SAXO1: variants seen among roughly 807,000 people sequenced by gnomAD.
SAXO1 encodes 4930500O09Rik.
A neutral mutation model predicts 17.5 loss-of-function variants in SAXO1; 21 were observed. That is an observed-to-expected ratio of 1.20 (90% CI 0.85 to 1.72). The LOEUF is 1.72. Ranked by LOEUF, SAXO1 falls within the 40% of genes most tolerant of loss-of-function variation. SAXO1 has a pLI of 0.00. For synonymous variants in SAXO1, 274 were observed against 216.5 expected (o/e 1.27, Z -2.33); for missense variants, 843 against 596.0 (o/e 1.41, Z -4.32).
intron 1 of SAXO1, among the ~76,000 whole-genome samples, chr9:19,020,457 T>C (rs1417222197): frequency 4.0e-5 from 6 of 151,826 alleles, no homozygotes; most frequent in Admixed American, 3.9e-4. Context: ...GCTCAAGCCA[T>C]CCTCCCACCT....
chr9:19,036,588 T>C (rs1588572818), upstream of SAXO1, among the ~76,000 whole-genome samples: 1 of 152,314 alleles, frequency 6.6e-6, no homozygotes, highest in East Asian at 1.9e-4. Flanking sequence ...CTTCAGAGGA[T>C]GCAAGCCCCA....
upstream of SAXO1, among the ~76,000 whole-genome samples, chr9:19,033,429 C>T (rs193100926): frequency 3.3e-5 from 5 of 152,358 alleles, no homozygotes; most frequent in Admixed American, 1.3e-4. Context: ...GTGCAGTAAA[C>T]GGTCACACGT....
intron 1 of SAXO1, among the ~76,000 whole-genome samples, chr9:18,959,167 AAGC>A (rs1240139915): frequency 6.6e-6 from 1 of 152,198 alleles, no homozygotes; most frequent in Non-Finnish European, 1.5e-5. Context: ...CTGGTGGTGA[AAGC>A]AGCAAGAAAT....
chr9:18,957,413 GT>G (rs1832297599), intron 1 of SAXO1, among the ~76,000 whole-genome samples: 1 of 152,154 alleles, frequency 6.6e-6, no homozygotes, highest in Non-Finnish European at 1.5e-5. Context: ...AACACAGCTG[GT>G]CAGCAGCAGC....
chr9:18,984,642 G>C (rs1024764793), intron 1 of SAXO1, among the ~76,000 whole-genome samples: 1 of 152,212 alleles, frequency 6.6e-6, no homozygotes, highest in African/African-American at 2.4e-5. Context: ...AGCCTTCACA[G>C]AACTGAAAAG....
In SAXO1 at chr9:18,950,736, C is replaced by T. The variant is rs200081146; in HGVS notation, c.218+22G>A. The stretch of plus-strand genomic sequence containing the variant: ...CATTAGTGTTGTATGTACCTGCATA[C>T]ATTAATACTGTTTGCCCTCACCTTG... On this transcript the variant is annotated intron_variant, in intron 2 of 3. Transcript: ENST00000380534. The T allele has an allele frequency of 8.7e-6, 14 of 1,604,834 alleles. No homozygotes were observed. The Admixed American group carries it at 1.5e-4, about 17-fold the overall frequency.
chr9:18,941,531 T>A (rs1269110692), intron 3 of SAXO1, 106 bp downstream of exon 3: 1 of 1,302,056 alleles, frequency 7.7e-7, no homozygotes, highest in Non-Finnish European at 1.1e-6. Flanking sequence ...TAGGAAGTAG[T>A]CTGCCAACTC....
At chr9:18,961,915 C>T (rs1270651457) in intron 1 of SAXO1, among the ~76,000 whole-genome samples, 1 of 152,210 alleles carries the variant, frequency 6.6e-6, no homozygotes, top group Non-Finnish European at 1.5e-5. Flanking sequence ...AATTGCCACA[C>T]TGTCTTCCAC....
At chr9:18,959,977 CCT>C (rs1832417844) in intron 1 of SAXO1, among the ~76,000 whole-genome samples, 1 of 151,944 alleles carries the variant, frequency 6.6e-6, no homozygotes, top group East Asian at 1.9e-4. Context: ...TGAGAGAAGC[CCT>C]GTTGGAATGG....
intron 1 of SAXO1, among the ~76,000 whole-genome samples, chr9:19,010,254 A>C (rs1162268123): frequency 6.6e-6 from 1 of 152,186 alleles, no homozygotes; most frequent in East Asian, 1.9e-4. Context: ...AAAACTCCTC[A>C]GGCAACCAGT....
chr9:18,950,962 G>A, intron 1 of SAXO1, 25 bp from the exon 2 acceptor site: 1 of 1,591,192 alleles, frequency 6.3e-7, no homozygotes, highest in Non-Finnish European at 8.6e-7. Context: ...GAGTTAGGTT[G>A]ATTACCTTCT....
rs547092794 is a variant in SAXO1, at chr9:19,019,828, C to T, written c.38+13043G>A. Among the ~76,000 whole-genome samples, 8 of 152,262 alleles carry T rather than the reference C, an allele frequency of 5.3e-5. No individual in the cohort carries two copies. The South Asian group carries it at 6.2e-4, about 12-fold the overall frequency. ...AGTATTGACCCCAAATCCACTTTCA[C>T]GCAATGACCACTCATGGGTCTTGGT... On this transcript the variant is annotated intron_variant, in intron 1 of 3. Coordinates refer to ENST00000380534, the MANE Select transcript of SAXO1 (RefSeq NM_153707.4).
chr9:19,012,441 A>C (rs761555117), intron 1 of SAXO1, among the ~76,000 whole-genome samples: 1 of 152,252 alleles, frequency 6.6e-6, no homozygotes. Context: ...TAGGACCTAG[A>C]GTGAAAAATG....
At chr9:19,039,198 C>T (rs1836016601) in intron 1 of SAXO1, among the ~76,000 whole-genome samples, 1 of 151,040 alleles carries the variant, frequency 6.6e-6, no homozygotes, top group African/African-American at 2.4e-5. Context: ...AAGGATTAAA[C>T]ACCATGACCA....
chr9:18,943,506 T>C (rs1179279360), intron 2 of SAXO1, among the ~76,000 whole-genome samples: 1 of 152,140 alleles, frequency 6.6e-6, no homozygotes, highest in East Asian at 1.9e-4. Flanking sequence ...GTCCTTAGGC[T>C]ACAAAGACAA....
chr9:18,931,450 T>C (rs1831046607), intron 3 of SAXO1, among the ~76,000 whole-genome samples: 1 of 152,232 alleles, frequency 6.6e-6, no homozygotes, highest in Admixed American at 6.5e-5. Flanking sequence ...TTGGCTATTA[T>C]AAAGAAATTC....
At chr9:18,986,864 G>A (rs1357498266) in intron 1 of SAXO1, among the ~76,000 whole-genome samples, 1 of 152,152 alleles carries the variant, frequency 6.6e-6, no homozygotes, top group Non-Finnish European at 1.5e-5. Flanking sequence ...AAAGGGCATT[G>A]TTTTAATAAA....
intron 2 of SAXO1, among the ~76,000 whole-genome samples, chr9:18,949,797 G>A (rs1351565539): frequency 6.6e-6 from 1 of 152,194 alleles, no homozygotes; most frequent in Non-Finnish European, 1.5e-5. Context: ...TGAAGCAAAA[G>A]GGAGCAATAG....
At chr9:18,984,137 T>C (rs963127957) in intron 1 of SAXO1, among the ~76,000 whole-genome samples, 2 of 152,230 alleles carry the variant, frequency 1.3e-5, no homozygotes, top group South Asian at 2.1e-4. Context: ...TAGGTCTCAA[T>C]AGAAGGCTTA....
Sources: allele counts gnomAD v4.1 joint callset (sites outside exome capture counted in the v4.1 genomes callset), GRCh38; gene constraint gnomAD v4.1.1; transcripts MANE v1.5; gene names NCBI Gene and HGNC (gene_info 2026-07-23, HGNC 2026-07-21).